RBFOX1: variants seen among roughly 807,000 people sequenced by gnomAD.
RBFOX1 encodes the protein RNA binding fox-1 homolog 1.
A neutral mutation model predicts 57.7 loss-of-function variants in RBFOX1; 8 were observed. The observed-to-expected ratio is 0.14, with a 90% CI of 0.08 to 0.25. The LOEUF (loss-of-function observed/expected upper bound fraction) is 0.25, where lower values mean the gene tolerates loss of function less well. Ranked by LOEUF, RBFOX1 falls within the 10% of genes least tolerant of loss-of-function variation. RBFOX1 has a pLI of 1.00. For missense variants in RBFOX1, 611 were observed against 548.5 expected (o/e 1.11, Z -1.14); for synonymous variants, 326 against 222.4 (o/e 1.47, Z -4.15).
At chr16:6,317,157 C>T (rs1311215137) in intron 2 of RBFOX1, 100 bp downstream of exon 2, 2 of 1,199,518 alleles carry the variant, frequency 1.7e-6, no homozygotes, top group Non-Finnish European at 2.3e-6. Flanking sequence ...GAAGTTGTTA[C>T]AAAAACTTTG....
chr16:7,183,193 TCTC>T (rs1240686384), intron 4 of RBFOX1, among the ~76,000 whole-genome samples: 2 of 152,044 alleles, frequency 1.3e-5, no homozygotes, highest in Non-Finnish European at 2.9e-5. Flanking sequence ...AACAGCCACT[TCTC>T]CTGGCTGCCT....
intron 3 of RBFOX1, among the ~76,000 whole-genome samples, chr16:6,967,343 G>C (rs2084495557): frequency 1.3e-5 from 2 of 152,076 alleles, no homozygotes; most frequent in Non-Finnish European, 2.9e-5. Flanking sequence ...ACCAGCAGTG[G>C]GGTTGGCTCT....
chr16:7,674,360 G>A (rs2072597187), intron 13 of RBFOX1, among the ~76,000 whole-genome samples: 2 of 152,092 alleles, frequency 1.3e-5, no homozygotes, highest in Non-Finnish European at 2.9e-5. Flanking sequence ...TCAGTTCATT[G>A]CACTAGTTAC....
intron 1 of RBFOX1, among the ~76,000 whole-genome samples, chr16:6,257,864 G>A (rs747326617): frequency 5.9e-5 from 9 of 152,066 alleles, no homozygotes; most frequent in Non-Finnish European, 8.8e-5. Context: ...TTTCTACTGT[G>A]AATAGTGCTG....
rs566355691 is a variant in RBFOX1, at chr16:7,666,681, G to A, written c.930+1713G>A. Reference sequence around the variant, plus strand: ...GTGTCTGTATCGATTGGGGCATATCGCTGCATCAGAGAATCCACAGAGCAA... The same window carrying A: ...GTGTCTGTATCGATTGGGGCATATCACTGCATCAGAGAATCCACAGAGCAA... On this transcript the variant is annotated intron_variant, in intron 13 of 15. Transcript: ENST00000550418. Among the ~76,000 whole-genome samples the A allele has an allele frequency of 7.9e-5, 12 of 152,252 alleles. No homozygotes were observed. The East Asian group carries it at 1.4e-3, about 17-fold the overall frequency.
At chr16:6,692,100 G>C (rs1223572104) in intron 3 of RBFOX1, among the ~76,000 whole-genome samples, 1 of 152,136 alleles carries the variant, frequency 6.6e-6, no homozygotes, top group African/African-American at 2.4e-5. Flanking sequence ...TAATAAACGA[G>C]TAGTTATTTT....
intron 2 of RBFOX1, among the ~76,000 whole-genome samples, chr16:6,417,706 T>TAA (rs2093663475): frequency 1.3e-5 from 2 of 149,546 alleles, no homozygotes; most frequent in African/African-American, 5.0e-5. Flanking sequence ...TCCTTTCTTT[T>TAA]TAAAAAAAAA....
intron 4 of RBFOX1, among the ~76,000 whole-genome samples, chr16:7,093,098 G>A (rs1037712472): frequency 3.9e-5 from 6 of 152,286 alleles, no homozygotes; most frequent in African/African-American, 1.4e-4. Flanking sequence ...ACAGCAAAAT[G>A]CCTCAGGAAT....
At chr16:5,239,897 C>T in exon 1 of RBFOX1, 1 of 1,487,002 alleles carries the variant, frequency 6.7e-7, no homozygotes, top group Non-Finnish European at 9.0e-7. Flanking sequence ...ATGGCCAGCC[C>T]TTCCGGCAGC....
intron 2 of RBFOX1, among the ~76,000 whole-genome samples, chr16:5,488,140 G>T (rs1328282189): frequency 2.1e-5 from 3 of 139,762 alleles, no homozygotes. Flanking sequence ...GGAAGATAAT[G>T]GTGATGATGA....
chr16:6,863,861 C>T (rs1420035838), intron 3 of RBFOX1, among the ~76,000 whole-genome samples: 1 of 150,264 alleles, frequency 6.7e-6, no homozygotes, highest in Non-Finnish European at 1.5e-5. Flanking sequence ...ATACCAAGTT[C>T]TTTACTGGTA....
At chr16:7,328,878 T>C (rs2096647709) in intron 4 of RBFOX1, 1 of 152,178 alleles carries the variant, frequency 6.6e-6, no homozygotes, top group Non-Finnish European at 1.5e-5. Context: ...TAGCAAACCA[T>C]GGGCTGTGAG....
At chr16:7,312,505 C>T (rs1157621105) in intron 4 of RBFOX1, among the ~76,000 whole-genome samples, 1 of 152,170 alleles carries the variant, frequency 6.6e-6, no homozygotes, top group East Asian at 1.9e-4. Flanking sequence ...GATTAATACA[C>T]CCATGGCCTG....
At chr16:5,604,666 G>T (rs1026720003), downstream of RBFOX1, among the ~76,000 whole-genome samples, 1 of 152,132 alleles carries the variant, frequency 6.6e-6, no homozygotes, top group African/African-American at 2.4e-5. Context: ...TCATGGGGCC[G>T]CACTGAGGTC....
chr16:6,722,863 G>T (rs567683433), intron 3 of RBFOX1, among the ~76,000 whole-genome samples: 284 of 152,280 alleles, frequency 1.9e-3, no homozygotes, highest in African/African-American at 6.5e-3. Flanking sequence ...TGTAGCTTTG[G>T]CACACTGACA....
intron 3 of RBFOX1, among the ~76,000 whole-genome samples, chr16:5,808,745 A>C (rs1052137122): frequency 6.6e-6 from 1 of 152,216 alleles, no homozygotes; most frequent in Admixed American, 6.5e-5. Context: ...TATAAGAAAG[A>C]TTGTGATTTT....
At chr16:5,439,032 TGGGGG>T (rs5815250) in intron 1 of RBFOX1, among the ~76,000 whole-genome samples, 1 of 133,106 alleles carries the variant, frequency 7.5e-6, no homozygotes, top group Non-Finnish European at 1.6e-5. Context: ...TAGAGAATAA[TGGGGG>T]GGGGGGCATA....
At chr16:5,903,855 G>T (rs556671085) in intron 4 of RBFOX1, among the ~76,000 whole-genome samples, 2 of 152,268 alleles carry the variant, frequency 1.3e-5, no homozygotes, top group African/African-American at 2.4e-5. Context: ...GAAAGCAGAT[G>T]CGGGGGCCTT....
chr16:5,325,852 C>T lies in RBFOX1; in HGVS notation c.219+85747C>T, dbSNP rs140527056. ...CTGAGGGATATTTGAGTTTGTTTTC[C>T]GTTTTTGGCAATTTGAAATAGAGCT... On this transcript the variant is annotated intron_variant, in intron 1 of 2. Transcript: ENST00000585867. 7.8e-3 allele frequency among the ~76,000 whole-genome samples: 1,183 copies of T among 152,174 alleles called. 19 individuals are homozygous for T. Among genetic ancestry groups the T allele is most frequent in the African/African-American group, 0.027 (1,124 of 41,482 alleles).
Sources: allele counts gnomAD v4.1 joint callset (sites outside exome capture counted in the v4.1 genomes callset), GRCh38; gene constraint gnomAD v4.1.1; transcripts MANE v1.5; gene names NCBI Gene and HGNC (gene_info 2026-07-23, HGNC 2026-07-21).